The following ACP6 variants were observed in gnomAD, a reference collection of about 807,000 sequenced individuals.
ACP6 encodes lysophosphatidic acid phosphatase type 6.
Under a neutral mutation model 48.1 loss-of-function variants are expected in ACP6, and 48 were observed. The ratio of observed to expected loss-of-function variants is 1.00; its 90% CI spans 0.79 to 1.27. The LOEUF (loss-of-function observed/expected upper bound fraction) is 1.27, where lower values mean the gene tolerates loss of function less well. Ranked by LOEUF, ACP6 falls within the 50% of genes most tolerant of loss-of-function variation. ACP6 has a pLI of 0.00. For synonymous variants in ACP6, 172 were observed against 204.2 expected, an observed-to-expected ratio of 0.84 and a Z score of 1.34; for missense variants, 485 against 529.1, an observed-to-expected ratio of 0.92 and a Z score of 0.82.
rs1553214308 is a variant in ACP6, at chr1:147,669,810, A to G, written c.219+20T>C. The G allele has an allele frequency of 4.5e-6, 7 of 1,552,696 alleles. No homozygotes were observed. The highest frequency in any genetic ancestry group is 4.7e-5 in the East Asian group (2 of 42,454). The stretch of plus-strand genomic sequence containing the variant: ...ACACGGTCCTCGCCCCACCAGCCCC[A>G]GCCCGGGCCGACCTCTCACCTGCTC... On this transcript the variant is annotated intron_variant, in intron 1 of 9. Coordinates refer to ENST00000583509, the MANE Select transcript of ACP6 (RefSeq NM_016361.5).
chr1:147,648,255 G>T lies in ACP6; in HGVS notation c.1134C>A (p.Tyr378Ter). 3 of 1,614,128 alleles carry T rather than the reference G, an allele frequency of 1.9e-6. No homozygotes were observed. The highest frequency in any genetic ancestry group is 2.5e-6 in the Non-Finnish European group (3 of 1,180,016). The stretch of plus-strand genomic sequence containing the variant: ...ACCTCAGGGGTATTACCTTCCCGTG[G>T]TAATAGAGCTGCACAAACCACTCCT... ...ESKEWFVQLY[Y>*]HGKEQVPRGC... Residue 378 changes from tyrosine (Y) to a stop codon, truncating the protein, a stop_gained, in exon 9 of 10, where the codon TAC (tyrosine) becomes TAA (stop). Coordinates refer to ENST00000583509, the MANE Select transcript of ACP6 (RefSeq NM_016361.5). LOFTEE classifies it high-confidence loss of function.
At chr1:147,663,899 TCCTA>T (rs2148915625) in intron 1 of ACP6, among the ~76,000 whole-genome samples, 1 of 103,270 alleles carries the variant, frequency 9.7e-6, no homozygotes, top group African/African-American at 4.0e-5. Context: ...AAATCTGAAT[TCCTA>T]TAACATTGAT....
intron 8 of ACP6, 93 bp downstream of exon 8, chr1:147,650,050 G>T: frequency 9.5e-7 from 1 of 1,047,438 alleles, no homozygotes; most frequent in Non-Finnish European, 1.4e-6. Flanking sequence ...CTGACAGCCT[G>T]GTTCTTGCCT....
intron 4 of ACP6, 101 bp from the exon 5 acceptor site, chr1:147,655,349 T>C (rs995929615): frequency 2.3e-6 from 2 of 888,800 alleles, no homozygotes; most frequent in Non-Finnish European, 3.5e-6. Context: ...AGCAGAGATC[T>C]GCTCTGAGAG....
At chr1:147,634,664 TATC>T (rs1553207801) in intron 5 of ACP6, among the ~76,000 whole-genome samples, 1 of 152,208 alleles carries the variant, frequency 6.6e-6, no homozygotes, top group African/African-American at 2.4e-5. Flanking sequence ...TTCTACCTCT[TATC>T]ATCCAGCTCA....
chr1:147,659,326 G>A, intron 3 of ACP6, 70 bp downstream of exon 3: 1 of 1,566,932 alleles, frequency 6.4e-7, no homozygotes, highest in Non-Finnish European at 8.7e-7. Flanking sequence ...ACCATCTTGG[G>A]GAGTCAGGAC....
chr1:147,657,208 C>CCA (rs77983199), intron 4 of ACP6, among the ~76,000 whole-genome samples: 14,969 of 151,994 alleles, frequency 0.098, 1,022 homozygotes, highest in East Asian at 0.33. Context: ...GATTTTGGAC[C>CCA]CAGTTTATGA....
chr1:147,647,935 A>G (rs1659707420), intron 9 of ACP6: 2 of 481,694 alleles, frequency 4.2e-6, no homozygotes, highest in African/African-American at 1.9e-5. Context: ...ACCACCAACA[A>G]TCTCCAAAAC....
chr1:147,647,481 T>C lies in ACP6; in HGVS notation c.1229A>G (p.Glu410Gly), dbSNP rs782765350. Residue 410 changes from glutamate (E) to glycine (G), a missense_variant, in exon 10 of 10, where the codon GAA becomes GGA. By Grantham distance (98) the Glu-to-Gly change is moderately conservative. Transcript: ENST00000583509. ...TTGAGAGCAGAGTGCGTGGTATTTT[T>C]CTGGGCTTAAGGTATAAACTGACAT... ...NAMSVYTLSP[E>G]KYHALCSQTQ... is the part of the protein sequence containing the mutation. The C allele has an allele frequency of 1.9e-6, 3 of 1,614,222 alleles. No individual in the cohort carries two copies. The highest frequency in any genetic ancestry group is 2.5e-6 in the Non-Finnish European group (3 of 1,180,044).
At chr1:147,661,679 A>G (rs1320556882) in intron 1 of ACP6, among the ~76,000 whole-genome samples, 1 of 152,238 alleles carries the variant, frequency 6.6e-6, no homozygotes, top group Non-Finnish European at 1.5e-5. Flanking sequence ...GAAAGCTAAG[A>G]TAAGCCAAAA....
chr1:147,660,394 A>T (rs1234959110), intron 1 of ACP6, among the ~76,000 whole-genome samples: 1 of 152,232 alleles, frequency 6.6e-6, no homozygotes, highest in African/African-American at 2.4e-5. Flanking sequence ...CCAACTGTTC[A>T]TAAAACTCTG....
rs1447267011 is a variant in ACP6 at position 147,644,951 on chromosome 1, AC to A, written c.*2471del. 6.6e-6 allele frequency: 1 copy of A among 151,422 alleles called. No individual in the cohort carries two copies. Among genetic ancestry groups the A allele is most frequent in the African/African-American group, 2.4e-5 (1 of 41,156 alleles). 9.4% of individuals were successfully genotyped at this position (151,422 alleles called of 1,614,324 possible). ...TAGGTTGAAGGTATAAATTTAGGAG[AC>A]ATTGTGTAAATATTTAAAACTGGAA... On this transcript the variant is annotated 3_prime_UTR_variant, in exon 10 of 10. Coordinates refer to ENST00000583509, the MANE Select transcript of ACP6 (RefSeq NM_016361.5).
At chr1:147,656,046 A>G (rs1441425695) in intron 4 of ACP6, among the ~76,000 whole-genome samples, 1 of 152,210 alleles carries the variant, frequency 6.6e-6, no homozygotes, top group Non-Finnish European at 1.5e-5. Context: ...AGGTCCATCT[A>G]CAGAGTGATC....
rs587760196 is a variant in ACP6, at chr1:147,663,484, A to G, written c.220-3709T>C. On this transcript the variant is annotated intron_variant, in intron 1 of 9. Coordinates refer to ENST00000583509, the MANE Select transcript of ACP6 (RefSeq NM_016361.5). Reference sequence around the variant, plus strand: ...TCATCATATCAGTAACTTTTTCCTAATGTCTCAGAGGAAAGCATCTGTCCT... The same window carrying G: ...TCATCATATCAGTAACTTTTTCCTAGTGTCTCAGAGGAAAGCATCTGTCCT... Among the ~76,000 whole-genome samples, 6 of 152,238 alleles carry G rather than the reference A, an allele frequency of 3.9e-5. No individual in the cohort carries two copies. The South Asian group carries it at 1.2e-3, about 32-fold the overall frequency.
At chr1:147,638,951 C>T (rs974604887), downstream of ACP6, among the ~76,000 whole-genome samples, 14 of 152,174 alleles carry the variant, frequency 9.2e-5, no homozygotes, top group African/African-American at 1.9e-4. Flanking sequence ...TGACTTCCCA[C>T]GCCCAAGTGA....
chr1:147,647,647 G>A, intron 9 of ACP6, 81 bp from the exon 10 acceptor site: 1 of 1,518,376 alleles, frequency 6.6e-7, no homozygotes, highest in Non-Finnish European at 8.8e-7. Context: ...AGATCTGAGA[G>A]GCTCTGATCC....
Position 147,649,941 on chromosome 1 carries a change from A to G in ACP6, c.977+202T>C, listed in dbSNP as rs114482959. ...AAGAGAGAGAGAAAGCAAAAATAAA[A>G]TTTTCAAAACATGGTAGGAGGGGTG... On this transcript the variant is annotated intron_variant, in intron 8 of 9. Coordinates refer to ENST00000583509, the MANE Select transcript of ACP6 (RefSeq NM_016361.5). The G allele has an allele frequency of 1.8e-3, 926 of 526,514 alleles. 9 individuals are homozygous for G. Among genetic ancestry groups the G allele is most frequent in the African/African-American group, 0.017 (837 of 49,778 alleles). The allele number at this position is 526,514 out of a possible 1,614,324, so 32.6% of individuals were successfully genotyped here.
chr1:147,664,692 C>T (rs1553213328), intron 1 of ACP6, among the ~76,000 whole-genome samples: 1 of 152,148 alleles, frequency 6.6e-6, no homozygotes, highest in East Asian at 1.9e-4. Flanking sequence ...GGAAGATACC[C>T]ATCTTGAGAA....
rs1280369999 is a variant in ACP6, at chr1:147,643,460, G to A, written c.*3963C>T. 1 of 152,204 alleles carries A rather than the reference G, an allele frequency of 6.6e-6. No homozygotes were observed. Among genetic ancestry groups the A allele is most frequent in the African/African-American group, 2.4e-5 (1 of 41,396 alleles). The allele number at this position is 152,204 out of a possible 1,614,324, so 9.4% of individuals were successfully genotyped here. On this transcript the variant is annotated 3_prime_UTR_variant, in exon 10 of 10. Transcript: ENST00000583509. ...AGTATACCTAAGGCAGGAGGTAGAA[G>A]GAGGGCAAGGAGGGCCTCTCTGAGA...
Sources: allele counts gnomAD v4.1 joint callset (sites outside exome capture counted in the v4.1 genomes callset), GRCh38; gene constraint gnomAD v4.1.1; transcripts MANE v1.5; gene names NCBI Gene and HGNC (gene_info 2026-07-23, HGNC 2026-07-21).